The following NMU variants were observed in gnomAD, a reference collection of about 807,000 sequenced individuals.
NMU encodes neuromedin-U.
NMU carries 29 observed loss-of-function variants against 35.4 expected under a neutral mutation model. The ratio of observed to expected loss-of-function variants is 0.82; its 90% CI spans 0.61 to 1.12. The LOEUF (loss-of-function observed/expected upper bound fraction) is 1.12, where lower values mean the gene tolerates loss of function less well. Ranked by LOEUF, NMU falls within the 50% of genes most tolerant of loss-of-function variation. The pLI, the probability that NMU is intolerant of heterozygous loss-of-function variation, is 0.00. For missense variants in NMU, 199 were observed against 206.2 expected (o/e 0.97, Z 0.21); for synonymous variants, 78 against 81.3 (o/e 0.96, Z 0.22).
chr4:55,603,056 G>T (rs1333971500), intron 7 of NMU, among the ~76,000 whole-genome samples: 2 of 152,112 alleles, frequency 1.3e-5, no homozygotes, highest in African/African-American at 4.8e-5. Context: ...GGAGTGCAGT[G>T]GCACGATCTC....
At chr4:55,599,050 C>T in intron 9 of NMU, 92 bp downstream of exon 9, 1 of 817,110 alleles carries the variant, frequency 1.2e-6, no homozygotes, top group Non-Finnish European at 2.0e-6. Context: ...TAATTTGTGA[C>T]TATTTGAAAA....
intron 7 of NMU, among the ~76,000 whole-genome samples, chr4:55,602,303 G>T (rs1405817124): frequency 6.6e-6 from 1 of 152,142 alleles, no homozygotes; most frequent in African/African-American, 2.4e-5. Flanking sequence ...CACTATCAAA[G>T]ATATATTTTA....
chr4:55,617,379 ACTTTTATCCTC>A (rs1045995275), intron 2 of NMU, among the ~76,000 whole-genome samples: 2 of 152,130 alleles, frequency 1.3e-5, no homozygotes, highest in African/African-American at 2.4e-5. Context: ...TCCTCACAGA[ACTTTTATCCTC>A]CTTTTATCCT....
chr4:55,636,362 C>A (rs146364914), upstream of NMU: 2,148 of 1,026,560 alleles, frequency 2.1e-3, 38 homozygotes, highest in African/African-American at 0.034. This position sits in a 1 kb window ranked among gnomAD's most constrained non-coding sequence, Gnocchi z 4.0. Context: ...GCGCGGTCCC[C>A]GCCGCGCGTC....
intron 9 of NMU, among the ~76,000 whole-genome samples, 152 bp from the exon 10 acceptor site, chr4:55,595,563 T>TATATATATAAACAC (rs755203914): frequency 8.3e-6 from 1 of 120,056 alleles, no homozygotes; most frequent in Non-Finnish European, 1.7e-5. Flanking sequence ...TATATATATA[T>TATATATATAAACAC]ACACACACAC....
chr4:55,635,806 T>C (rs34661343), intron 1 of NMU, among the ~76,000 whole-genome samples: 1 of 152,172 alleles, frequency 6.6e-6, no homozygotes, highest in Non-Finnish European at 1.5e-5. Context: ...CCAGTCTCCA[T>C]CTATCGCAGC....
At chr4:55,605,892 G>A (rs1733667517) in intron 6 of NMU, among the ~76,000 whole-genome samples, 1 of 152,202 alleles carries the variant, frequency 6.6e-6, no homozygotes. Context: ...CTGTGACTAA[G>A]ATACATTTTC....
rs752347021 is a variant in NMU, at chr4:55,604,014, T to TACACAC, written c.435+1260_435+1261insGTGTGT. Among the ~76,000 whole-genome samples, 3 of 88,052 alleles carry TACACAC rather than the reference T, an allele frequency of 3.4e-5. 1 individual carries two copies. The highest frequency in any genetic ancestry group is 7.1e-5 in the African/African-American group (2 of 28,272). The allele number at this position is 88,052 out of a possible 152,430, so 57.8% of individuals were successfully genotyped here. A position where few individuals can be genotyped will look rare whatever the true frequency, so the allele number is the denominator to read the frequency against. ...ATATATATACGTATATATGTATATA[T>TACACAC]GTGTATATATATAATCCTAGAAATT... On this transcript the variant is annotated intron_variant, in intron 7 of 9. Transcript: ENST00000264218.
intron 2 of NMU, among the ~76,000 whole-genome samples, chr4:55,630,061 T>C (rs1184101069): frequency 6.6e-6 from 1 of 152,010 alleles, no homozygotes; most frequent in Non-Finnish European, 1.5e-5. Context: ...TTTTGTTTTC[T>C]GTTTTAAGTG....
At chr4:55,607,764 A>G (rs1357419047) in intron 4 of NMU, among the ~76,000 whole-genome samples, 1 of 152,246 alleles carries the variant, frequency 6.6e-6, no homozygotes, top group Non-Finnish European at 1.5e-5. Flanking sequence ...GGAAATTATT[A>G]TATCATGACA....
chr4:55,606,201 T>A (rs75052230), intron 6 of NMU, among the ~76,000 whole-genome samples: 3,311 of 152,340 alleles, frequency 0.022, 109 homozygotes, highest in African/African-American at 0.075. Context: ...TAGGTATATA[T>A]CTGTTTAAAA....
upstream of NMU, chr4:55,636,367 C>G: frequency 1.0e-6 from 1 of 964,900 alleles, no homozygotes; most frequent in Non-Finnish European, 1.4e-6. The surrounding 1 kb of genome is among the most constrained non-coding windows in gnomAD (Gnocchi z 4.0). Context: ...GTCCCCGCCG[C>G]GCGTCACCTC....
At chr4:55,635,986 G>C (rs1560530098) in intron 1 of NMU, 95 bp downstream of exon 1, 4 of 1,524,936 alleles carry the variant, frequency 2.6e-6, no homozygotes, top group Non-Finnish European at 3.5e-6. Flanking sequence ...CAGAAGCCAA[G>C]TAAAGGTGAG....
At chr4:55,618,503 C>T (rs1734200580) in intron 2 of NMU, among the ~76,000 whole-genome samples, 1 of 152,136 alleles carries the variant, frequency 6.6e-6, no homozygotes, top group African/African-American at 2.4e-5. Context: ...TTTGCTGTAG[C>T]TCTGTAATTT....
chr4:55,624,159 T>C (rs1734424233), intron 2 of NMU, among the ~76,000 whole-genome samples: 2 of 149,714 alleles, frequency 1.3e-5, no homozygotes, highest in East Asian at 3.9e-4. Flanking sequence ...AAAGCCAAAA[T>C]TGACAAATGG....
At chr4:55,618,698 TCTTCTTTC>T (rs1191298933) in intron 2 of NMU, among the ~76,000 whole-genome samples, 2 of 72,308 alleles carry the variant, frequency 2.8e-5, no homozygotes, top group African/African-American at 7.6e-5. Context: ...TTCTTCTCTC[TCTTCTTTC>T]TTTTTCTTTC....
intron 1 of NMU, among the ~76,000 whole-genome samples, chr4:55,632,035 G>C (rs2110214297): frequency 1.3e-5 from 2 of 152,288 alleles, no homozygotes; most frequent in South Asian, 4.1e-4. Flanking sequence ...TGGAGCCAGA[G>C]GCCATTATTT....
At chr4:55,597,691 T>C (rs1182853943) in intron 9 of NMU, among the ~76,000 whole-genome samples, 1 of 152,168 alleles carries the variant, frequency 6.6e-6, no homozygotes. Context: ...AGATAACATA[T>C]TCCAATTTTT....
At chr4:55,597,719 C>A (rs911258584) in intron 9 of NMU, among the ~76,000 whole-genome samples, 1 of 152,080 alleles carries the variant, frequency 6.6e-6, no homozygotes, top group African/African-American at 2.4e-5. Context: ...ACCTATTAGT[C>A]TGTTTAGTGT....
Sources: allele counts gnomAD v4.1 joint callset (sites outside exome capture counted in the v4.1 genomes callset), GRCh38; gene constraint gnomAD v4.1.1; non-coding constraint Gnocchi (gnomAD v3.1); transcripts MANE v1.5; gene names NCBI Gene and HGNC (gene_info 2026-07-23, HGNC 2026-07-21).